GLIS1: variants seen among roughly 807,000 people sequenced by gnomAD.
The protein encoded by GLIS1 is zinc finger protein GLIS1.
A neutral mutation model predicts 63.8 loss-of-function variants in GLIS1; 24 were observed. The observed-to-expected ratio is 0.38, with a 90% CI of 0.27 to 0.53. The LOEUF (loss-of-function observed/expected upper bound fraction) is 0.53. Ranked by LOEUF, GLIS1 falls within the 20% of genes least tolerant of loss-of-function variation. The pLI, the probability that GLIS1 is intolerant of heterozygous loss-of-function variation, is 0.85. For missense variants in GLIS1, 1,036 were observed against 1,074.1 expected, an observed-to-expected ratio of 0.96 and a Z score of 0.50; for synonymous variants, 450 against 482.5, an observed-to-expected ratio of 0.93 and a Z score of 0.88.
chr1:53,728,247 T>C (rs529693339), intron 2 of GLIS1, among the ~76,000 whole-genome samples: 3 of 152,270 alleles, frequency 2.0e-5, no homozygotes, highest in African/African-American at 4.8e-5. Context: ...AAAGAATCAG[T>C]AGGGTCAATC....
chr1:53,733,150 TA>T (rs1646879601), intron 2 of GLIS1, among the ~76,000 whole-genome samples: 1 of 152,128 alleles, frequency 6.6e-6, no homozygotes. Context: ...CATAAGAATA[TA>T]TTTTTTTAAG....
chr1:53,554,859 G>A (rs1644801170), intron 4 of GLIS1, among the ~76,000 whole-genome samples: 1 of 152,198 alleles, frequency 6.6e-6, no homozygotes, highest in Admixed American at 6.5e-5. Flanking sequence ...CACTTCTGAA[G>A]GACACTGTCC....
intron 2 of GLIS1, among the ~76,000 whole-genome samples, chr1:53,673,710 T>G (rs192653858): frequency 6.6e-6 from 1 of 152,336 alleles, no homozygotes; most frequent in East Asian, 1.9e-4. Context: ...AGAACGAAGT[T>G]CAATTCTCTG....
chr1:53,579,727 G>A (rs1645066956), intron 4 of GLIS1, among the ~76,000 whole-genome samples: 1 of 152,248 alleles, frequency 6.6e-6, no homozygotes, highest in African/African-American at 2.4e-5. Flanking sequence ...CGTGGGGGCA[G>A]AGCTGGCCCA....
chr1:53,576,529 G>A (rs866574891), intron 4 of GLIS1, among the ~76,000 whole-genome samples: 6 of 152,008 alleles, frequency 3.9e-5, no homozygotes, highest in Middle Eastern at 3.4e-3. Context: ...CTGACCTCCC[G>A]CCTCCCCATC....
intron 5 of GLIS1, among the ~76,000 whole-genome samples, chr1:53,529,196 C>T (rs1644502877): frequency 6.6e-6 from 1 of 152,218 alleles, no homozygotes; most frequent in Non-Finnish European, 1.5e-5. Flanking sequence ...ATGCCTGGTG[C>T]AAACAAGGGA....
chr1:53,667,152 G>A (rs1646102134), intron 2 of GLIS1, among the ~76,000 whole-genome samples: 1 of 152,194 alleles, frequency 6.6e-6, no homozygotes, highest in African/African-American at 2.4e-5. Flanking sequence ...TTTGGGAACT[G>A]CAAAGCACTG....
chr1:53,731,798 T>C (rs528377034), intron 2 of GLIS1, among the ~76,000 whole-genome samples: 1 of 152,222 alleles, frequency 6.6e-6, no homozygotes, highest in Non-Finnish European at 1.5e-5. Context: ...TGTTCATCTT[T>C]AGCAGTCAAG....
chr1:53,533,550 G>A (rs1156453905), intron 4 of GLIS1, among the ~76,000 whole-genome samples: 1 of 152,238 alleles, frequency 6.6e-6, no homozygotes, highest in African/African-American at 2.4e-5. Context: ...ATGAGCAGCT[G>A]GCTGGGATGC....
intron 2 of GLIS1, among the ~76,000 whole-genome samples, chr1:53,725,136 A>G (rs781294866): frequency 3.3e-5 from 5 of 152,136 alleles, no homozygotes; most frequent in Non-Finnish European, 7.4e-5. Context: ...TGAAAGAGGA[A>G]AGTTGTTGGC....
Position 53,678,442 on chromosome 1 carries a change from C to T in GLIS1, c.259+59364G>A, listed in dbSNP as rs144588015. Among the ~76,000 whole-genome samples, 113 of 151,894 alleles carry T rather than the reference C, an allele frequency of 7.4e-4. 1 individual carries two copies. Among genetic ancestry groups the T allele is most frequent in the African/African-American group, 2.7e-3 (111 of 41,400 alleles). ...AGGCTCAGAGAGGTTAGATCACTTG[C>T]CTGGCATCATTAAAAAAAAACAAAA... On this transcript the variant is annotated intron_variant, in intron 2 of 10. Transcript: ENST00000628545.
chr1:53,541,203 C>T (rs527857472), intron 4 of GLIS1, among the ~76,000 whole-genome samples: 8 of 152,216 alleles, frequency 5.3e-5, no homozygotes, highest in Admixed American at 2.6e-4. Flanking sequence ...CCGTCCCAGA[C>T]GCTCAGGGAC....
At chr1:53,542,862 C>T (rs1644658388) in intron 4 of GLIS1, among the ~76,000 whole-genome samples, 1 of 152,202 alleles carries the variant, frequency 6.6e-6, no homozygotes, top group Admixed American at 6.5e-5. Context: ...AGGGAGGTCC[C>T]CTCCCCGCAC....
chr1:53,731,023 G>A (rs571664324), intron 2 of GLIS1, among the ~76,000 whole-genome samples: 65 of 152,324 alleles, frequency 4.3e-4, no homozygotes, highest in Non-Finnish European at 7.1e-4. Flanking sequence ...GCATGGTGGG[G>A]ATCTTGAGGA....
chr1:53,629,921 T>G (rs1007293916), intron 2 of GLIS1, among the ~76,000 whole-genome samples: 4 of 152,166 alleles, frequency 2.6e-5, no homozygotes, highest in African/African-American at 9.7e-5. Flanking sequence ...TTCTGAGAGA[T>G]ATGTATGGTT....
chr1:53,593,738 C>T (rs1317621868), intron 4 of GLIS1, among the ~76,000 whole-genome samples: 4 of 152,224 alleles, frequency 2.6e-5, no homozygotes, highest in Non-Finnish European at 4.4e-5. Context: ...CTCCACATCT[C>T]ATTTGGCCAC....
rs12723437 is a variant in GLIS1, at chr1:53,600,105, C to T, written c.433G>A (p.Asp145Asn). 1,160,680 of 1,229,448 alleles carry T rather than the reference C, an allele frequency of 0.94. 560,147 individuals are homozygous for T. The highest frequency in any genetic ancestry group is 0.99 in the Non-Finnish European group (975,573 of 985,678). The allele number at this position is 1,229,448 out of a possible 1,614,324, so 76.2% of individuals were successfully genotyped here. The change falls in exon 3 of 11, where the codon GAC (aspartate) becomes AAC (asparagine). Residue 145 changes from aspartate (D) to asparagine (N), a missense_variant. Around this residue, in one of 3 missense-constraint regions of GLIS1, gnomAD observed 592 missense variants for 593.9 expected, o/e 1.00. Coordinates refer to ENST00000628545, the MANE Select transcript of GLIS1 (RefSeq NM_001367484.1). ...CERLLHFPHPDRSPRPQATYV... is the reference protein window; with the variant it reads ...CERLLHFPHPNRSPRPQATYV... ...AAAGCAGCTGCCCACACCTACCTGT[C>T]AGGGTGGGGGAAATGCAGCAGCCTC... is the stretch of plus-strand genomic sequence containing the variant.
At position 53,543,373 on chromosome 1, in the gene GLIS1, A is replaced by C. The variant is rs540970403; in HGVS notation, c.1321-13421T>G. 4.6e-5 allele frequency among the ~76,000 whole-genome samples: 7 copies of C among 152,280 alleles called. No homozygotes were observed. In the East Asian group the frequency reaches 9.7e-4, roughly 21 times the overall value. ...GTTTAACCTCCGGAGTGCTCTAGAC[A>C]GAAGGTGCCACCGTAATCGCCTTTC... On this transcript the variant is annotated intron_variant, in intron 4 of 10. Coordinates refer to ENST00000628545, the MANE Select transcript of GLIS1 (RefSeq NM_001367484.1).
chr1:53,559,863 T>C (rs1644869045), intron 4 of GLIS1, among the ~76,000 whole-genome samples: 2 of 151,716 alleles, frequency 1.3e-5, no homozygotes, highest in South Asian at 2.1e-4. Context: ...ATCACACATA[T>C]ACACACACAC....
Sources: gnomAD v4.1 joint callset for allele counts (sites outside exome capture counted in the v4.1 genomes callset) on GRCh38, gnomAD v4.1.1 for gene constraint, gnomAD v4.1.1 regional missense constraint, MANE v1.5 for transcripts, NCBI Gene and HGNC (gene_info 2026-07-23, HGNC 2026-07-21) for gene names.